Variants in CFAP299 observed in about 807,000 individuals in gnomAD.
CFAP299 encodes the protein cilia and flagella associated protein 299.
A neutral mutation model predicts 27.0 loss-of-function variants in CFAP299; 21 were observed. The observed-to-expected ratio is 0.78, with a 90% CI of 0.55 to 1.12. The LOEUF (loss-of-function observed/expected upper bound fraction) is 1.12, where lower values mean the gene tolerates loss of function less well. Among genes scored for constraint, CFAP299 ranks in the 50% most tolerant of loss-of-function variants. CFAP299 has a pLI of 0.00. For synonymous variants in CFAP299, 104 were observed against 98.1 expected (o/e 1.06, Z -0.36); for missense variants, 310 against 276.6 (o/e 1.12, Z -0.86).
At chr4:80,942,056 G>A (rs1737223182) in intron 4 of CFAP299, among the ~76,000 whole-genome samples, 1 of 152,178 alleles carries the variant, frequency 6.6e-6, no homozygotes, top group South Asian at 2.1e-4. Flanking sequence ...CAGCTAGCTG[G>A]ATGGGAAAAA....
intron 3 of CFAP299, among the ~76,000 whole-genome samples, chr4:80,702,204 T>C (rs1443377948): frequency 1.6e-4 from 24 of 151,884 alleles, no homozygotes; most frequent in Non-Finnish European, 3.5e-4. Context: ...GAAGTTCTCA[T>C]TACCTACTTT....
chr4:80,709,177 A>C (rs1471636272), intron 3 of CFAP299, among the ~76,000 whole-genome samples: 1 of 152,186 alleles, frequency 6.6e-6, no homozygotes, highest in East Asian at 1.9e-4. Flanking sequence ...TAACTAGAGA[A>C]ACTCATTTTT....
chr4:80,489,148 A>G (rs1255234997), intron 2 of CFAP299, among the ~76,000 whole-genome samples: 1 of 151,926 alleles, frequency 6.6e-6, no homozygotes, highest in African/African-American at 2.4e-5. Context: ...CTTCCTGGAG[A>G]TGGGTCTAGC....
chr4:80,591,953 T>G (rs1470602688), intron 3 of CFAP299, among the ~76,000 whole-genome samples: 1 of 152,230 alleles, frequency 6.6e-6, no homozygotes, highest in Non-Finnish European at 1.5e-5. Flanking sequence ...GAACAGATTT[T>G]TACTAATTCC....
rs2110081716 is a variant in CFAP299 at position 80,435,295 on chromosome 4, T to C, written c.242+72411T>C. The stretch of plus-strand genomic sequence containing the variant: ...CAAAATGGCTCAGATAGCCTGAATG[T>C]ATCTTCCATCCAGAGAGGGGGTGAG... On this transcript the variant is annotated intron_variant, in intron 2 of 5. Coordinates refer to ENST00000358105, the MANE Select transcript of CFAP299 (RefSeq NM_152770.3). Among the ~76,000 whole-genome samples, 2 of 152,314 alleles carry C rather than the reference T, an allele frequency of 1.3e-5. 1 individual carries two copies. Among genetic ancestry groups the C allele is most frequent in the South Asian group, 4.1e-4 (2 of 4,826 alleles).
chr4:80,718,926 G>A (rs1260621762), intron 3 of CFAP299, among the ~76,000 whole-genome samples: 1 of 152,070 alleles, frequency 6.6e-6, no homozygotes, highest in Non-Finnish European at 1.5e-5. Context: ...TAAAGAAAAT[G>A]TGGTACATAT....
chr4:80,350,834 C>T (rs1325472991), intron 1 of CFAP299, among the ~76,000 whole-genome samples: 4 of 151,778 alleles, frequency 2.6e-5, no homozygotes, highest in South Asian at 2.1e-4. Context: ...CTAATGCTTG[C>T]GGGGCTGAAA....
At chr4:80,333,356 G>A (rs184571782), upstream of CFAP299, among the ~76,000 whole-genome samples, 20 of 152,306 alleles carry the variant, frequency 1.3e-4, no homozygotes, top group East Asian at 3.7e-3. Flanking sequence ...TAGTTAACAA[G>A]CAGCTAGGCA....
Position 80,572,507 on chromosome 4 carries a change from GTTTTTTTTTT to G in CFAP299, c.243-10567_243-10558del, listed in dbSNP as rs550414533. On this transcript the variant is annotated intron_variant, in intron 2 of 5. Coordinates refer to ENST00000358105, the MANE Select transcript of CFAP299 (RefSeq NM_152770.3). The stretch of plus-strand genomic sequence containing the variant: ...TGTTGTTGCACATGACTGGATCCCA[GTTTTTTTTTT>G]TTTTTTTTTTTTTTTTTTGAGAGGG... Among the ~76,000 whole-genome samples the G allele has an allele frequency of 3.7e-3, 134 of 36,396 alleles. 7 individuals are homozygous for G. In the East Asian group the frequency reaches 0.051, roughly 14 times the overall value. The allele number at this position is 36,396 out of a possible 152,430, so 23.9% of individuals were successfully genotyped here.
intron 2 of CFAP299, among the ~76,000 whole-genome samples, chr4:80,468,926 G>T (rs1560581259): frequency 6.6e-6 from 1 of 151,534 alleles, no homozygotes; most frequent in Non-Finnish European, 1.5e-5. Context: ...TTTTAGAAGA[G>T]ATAATATTTC....
rs371981918 is a variant in CFAP299, at chr4:80,661,588, C to A, written c.333+78405C>A. Among the ~76,000 whole-genome samples, 771 of 152,292 alleles carry A rather than the reference C, an allele frequency of 5.1e-3. 5 individuals are homozygous for A. The highest frequency in any genetic ancestry group is 0.02 in the Middle Eastern group (6 of 294). On this transcript the variant is annotated intron_variant, in intron 3 of 5. Coordinates refer to ENST00000358105, the MANE Select transcript of CFAP299 (RefSeq NM_152770.3). ...TATCTTTACGTTAATCTCTTAATCT[C>A]ATCATCTTCATAAGCTGAGGATGAA...
At position 80,944,940 on chromosome 4, in the gene CFAP299, G is replaced by T. The variant is rs1553908667; in HGVS notation, c.606+1G>T. Reference sequence around the variant, plus strand: ...AAAAATTCTTAATGTGGACCCAAAGGTAATTCTTCTTTTACACTTAGTTAG... The same window carrying T: ...AAAAATTCTTAATGTGGACCCAAAGTTAATTCTTCTTTTACACTTAGTTAG... On this transcript the variant is annotated splice_donor_variant, in intron 5 of 5. Transcript: ENST00000358105. LOFTEE classifies it high-confidence loss of function. 3.7e-6 allele frequency: 6 copies of T among 1,609,950 alleles called. No individual in the cohort carries two copies. In the South Asian group the frequency reaches 5.5e-5, roughly 15 times the overall value.
intron 3 of CFAP299, among the ~76,000 whole-genome samples, chr4:80,643,345 G>C (rs1739825573): frequency 2.6e-5 from 4 of 152,072 alleles, no homozygotes; most frequent in Admixed American, 2.0e-4. Flanking sequence ...AGAAATAAGA[G>C]AAGAACTGCC....
intron 3 of CFAP299, among the ~76,000 whole-genome samples, chr4:80,743,834 T>TA (rs977135977): frequency 9.9e-5 from 15 of 152,216 alleles, no homozygotes; most frequent in Non-Finnish European, 1.8e-4. Context: ...AAGTAAAATT[T>TA]AAAAAAAGAA....
At chr4:80,433,681 C>T (rs1387726283) in intron 2 of CFAP299, among the ~76,000 whole-genome samples, 1 of 152,018 alleles carries the variant, frequency 6.6e-6, no homozygotes, top group Non-Finnish European at 1.5e-5. Context: ...CAACTTTGTA[C>T]AATGTAACAT....
intron 3 of CFAP299, among the ~76,000 whole-genome samples, chr4:80,621,896 A>G (rs1738622899): frequency 6.6e-6 from 1 of 152,052 alleles, no homozygotes; most frequent in African/African-American, 2.4e-5. Flanking sequence ...GAGGACTGCT[A>G]AGGGGAGCAT....
chr4:80,844,508 CGATGAGCA>C (rs1560440701), intron 3 of CFAP299, among the ~76,000 whole-genome samples: 1 of 152,080 alleles, frequency 6.6e-6, no homozygotes, highest in Non-Finnish European at 1.5e-5. Flanking sequence ...TGGCCAGTGA[CGATGAGCA>C]TTTTTTCATG....
intron 2 of CFAP299, among the ~76,000 whole-genome samples, chr4:80,440,972 C>T (rs552291364): frequency 1.5e-4 from 23 of 151,574 alleles, no homozygotes; most frequent in Non-Finnish European, 3.1e-4. Context: ...GATGGAAGAT[C>T]AAATGAAAAT....
At chr4:80,922,256 A>C (rs1308103862) in intron 4 of CFAP299, among the ~76,000 whole-genome samples, 1 of 152,048 alleles carries the variant, frequency 6.6e-6, no homozygotes, top group African/African-American at 2.4e-5. Flanking sequence ...AGAAATTGCT[A>C]TTAATATTAT....
Sources: allele counts gnomAD v4.1 joint callset (sites outside exome capture counted in the v4.1 genomes callset), GRCh38; gene constraint gnomAD v4.1.1; transcripts MANE v1.5; gene names NCBI Gene and HGNC (gene_info 2026-07-23, HGNC 2026-07-21).